Variants in DTWD2 observed in about 807,000 individuals in gnomAD.
The protein encoded by DTWD2 is DTW motif tRNA-uridine aminocarboxypropyltransferase 2, also known as tRNA-uridine aminocarboxypropyltransferase 2.
Under a neutral mutation model 31.8 loss-of-function variants are expected in DTWD2, and 39 were observed. The ratio of observed to expected loss-of-function variants is 1.22; its 90% CI spans 0.95 to 1.60. The LOEUF is 1.60. DTWD2 is among the 40% of genes most tolerant of loss of function. The probability of loss-of-function intolerance (pLI) is 0.00; values close to 1 mark genes in which losing one functional copy is unlikely to be tolerated. For missense variants in DTWD2, 515 were observed against 381.5 expected, an observed-to-expected ratio of 1.35 and a Z score of -2.92; for synonymous variants, 180 against 142.8, an observed-to-expected ratio of 1.26 and a Z score of -1.86.
chr5:118,841,879 CA>C (rs1345157482), intron 5 of DTWD2, among the ~76,000 whole-genome samples: 1 of 151,546 alleles, frequency 6.6e-6, no homozygotes, highest in Non-Finnish European at 1.5e-5. Flanking sequence ...AAAATAACAG[CA>C]AAAAAACTTA....
chr5:118,881,746 T>A (rs1752747115), intron 4 of DTWD2, among the ~76,000 whole-genome samples: 1 of 152,108 alleles, frequency 6.6e-6, no homozygotes, highest in African/African-American at 2.4e-5. Flanking sequence ...CTGCCACTTT[T>A]AAAACCATCA....
At chr5:118,863,132 C>T (rs563852296) in intron 4 of DTWD2, among the ~76,000 whole-genome samples, 1 of 151,990 alleles carries the variant, frequency 6.6e-6, no homozygotes, top group Non-Finnish European at 1.5e-5. Context: ...ACCTCAATAA[C>T]ACAAGTGGAC....
intron 4 of DTWD2, among the ~76,000 whole-genome samples, chr5:118,851,820 C>T (rs1752014206): frequency 1.3e-5 from 2 of 149,244 alleles, no homozygotes; most frequent in South Asian, 4.2e-4. Context: ...GCACATGTAC[C>T]CTAAAACTTA....
At chr5:118,950,452 A>G (rs1230865648) in intron 1 of DTWD2, among the ~76,000 whole-genome samples, 1 of 152,128 alleles carries the variant, frequency 6.6e-6, no homozygotes, top group African/African-American at 2.4e-5. Flanking sequence ...GAGGCTTTTG[A>G]GGCAATCAGG....
intron 1 of DTWD2, among the ~76,000 whole-genome samples, chr5:118,986,126 C>G (rs1406961448): frequency 6.6e-6 from 1 of 151,990 alleles, no homozygotes; most frequent in Non-Finnish European, 1.5e-5. Context: ...CCTCAGCCTT[C>G]TTATGTTATC....
intron 1 of DTWD2, among the ~76,000 whole-genome samples, chr5:118,967,784 G>C (rs984866077): frequency 6.6e-6 from 1 of 152,114 alleles, no homozygotes; most frequent in Non-Finnish European, 1.5e-5. Flanking sequence ...GGGGAAAATA[G>C]AGAATCACCA....
chr5:118,853,588 TC>T lies in DTWD2; in HGVS notation c.598-5371del, dbSNP rs1561426938. On this transcript the variant is annotated intron_variant, in intron 4 of 5. Coordinates refer to ENST00000510708, the MANE Select transcript of DTWD2 (RefSeq NM_173666.4). ...CAGCCATAGAAAGAATGAAATCATG[TC>T]CTTTGCAGCAACGTGATGCTGCTGG... is the stretch of plus-strand genomic sequence containing the variant. Among the ~76,000 whole-genome samples the T allele has an allele frequency of 3.3e-5, 5 of 152,320 alleles. No homozygotes were observed. The South Asian group carries it at 1.0e-3, about 32-fold the overall frequency.
At chr5:118,948,292 G>A (rs1018769825) in intron 1 of DTWD2, among the ~76,000 whole-genome samples, 2 of 152,058 alleles carry the variant, frequency 1.3e-5, no homozygotes, top group African/African-American at 2.4e-5. Flanking sequence ...TGGCTAACAC[G>A]GTGAAACCCC....
At chr5:118,905,288 G>A (rs17144807) in intron 4 of DTWD2, among the ~76,000 whole-genome samples, 6,026 of 152,038 alleles carry the variant, frequency 0.04, 388 homozygotes, top group African/African-American at 0.14. Context: ...TAAGAACACA[G>A]GCCCTCCTAA....
chr5:118,877,009 C>T (rs1207349189), intron 4 of DTWD2, among the ~76,000 whole-genome samples: 1 of 152,192 alleles, frequency 6.6e-6, no homozygotes, highest in African/African-American at 2.4e-5. Flanking sequence ...TTCAACAGCA[C>T]ATCAAAAAGC....
intron 1 of DTWD2, among the ~76,000 whole-genome samples, chr5:118,960,866 TAAA>T (rs1308116911): frequency 3.3e-5 from 5 of 152,076 alleles, no homozygotes; most frequent in Non-Finnish European, 5.9e-5. Flanking sequence ...CAGTGGGAGC[TAAA>T]CACTGAGTAC....
chr5:118,979,557 G>T (rs115537986), intron 1 of DTWD2, among the ~76,000 whole-genome samples: 1 of 152,074 alleles, frequency 6.6e-6, no homozygotes, highest in Non-Finnish European at 1.5e-5. Flanking sequence ...ATATGCATGC[G>T]TATGTTCACT....
At chr5:118,978,587 C>A (rs1212266625) in intron 1 of DTWD2, among the ~76,000 whole-genome samples, 1 of 152,124 alleles carries the variant, frequency 6.6e-6, no homozygotes, top group Non-Finnish European at 1.5e-5. Flanking sequence ...AGACACTTCT[C>A]AAAAGAAGAC....
At chr5:118,960,316 T>C (rs1037322809) in intron 1 of DTWD2, among the ~76,000 whole-genome samples, 1 of 152,002 alleles carries the variant, frequency 6.6e-6, no homozygotes, top group East Asian at 1.9e-4. Context: ...CAAAGAAGCA[T>C]ATGAAAAAAT....
chr5:118,917,347 A>G (rs1753600408), intron 4 of DTWD2, among the ~76,000 whole-genome samples: 1 of 152,192 alleles, frequency 6.6e-6, no homozygotes, highest in Non-Finnish European at 1.5e-5. Flanking sequence ...AATAAAACAC[A>G]TGGAAAGAAA....
At chr5:118,873,407 G>A (rs541399956) in intron 4 of DTWD2, among the ~76,000 whole-genome samples, 2 of 152,302 alleles carry the variant, frequency 1.3e-5, no homozygotes, top group African/African-American at 4.8e-5. Flanking sequence ...CAGTGCCCTG[G>A]GGGCCTATAC....
intron 4 of DTWD2, among the ~76,000 whole-genome samples, chr5:118,921,742 T>A (rs747962481): frequency 1.3e-5 from 2 of 152,184 alleles, no homozygotes; most frequent in African/African-American, 4.8e-5. Flanking sequence ...GTAAGTAGAA[T>A]AGCCTATTCA....
Position 118,928,848 on chromosome 5 carries a change from T to C in DTWD2, c.405-119A>G. 3.8e-6 allele frequency: 3 copies of C among 799,258 alleles called. No homozygotes were observed. The South Asian group carries it at 9.1e-5, about 24-fold the overall frequency. 49.5% of individuals were successfully genotyped at this position (799,258 alleles called of 1,614,324 possible). ...ATGTAGTCATTTGTCTAATCAAATA[T>C]AAGTATTAGTTTATAAAGTATGAAT... On this transcript the variant is annotated intron_variant, in intron 3 of 5. Transcript: ENST00000510708.
chr5:118,843,351 G>GAGGGAGGAAGGGAGGA (rs112226350), intron 5 of DTWD2, among the ~76,000 whole-genome samples: 1 of 150,802 alleles, frequency 6.6e-6, no homozygotes, highest in Non-Finnish European at 1.5e-5. Flanking sequence ...GGGAGGCAGG[G>GAGGGAGGAAGGGAGGA]AGGGAGGAAG....
Sources: allele counts gnomAD v4.1 joint callset (sites outside exome capture counted in the v4.1 genomes callset), GRCh38; gene constraint gnomAD v4.1.1; transcripts MANE v1.5; gene names NCBI Gene and HGNC (gene_info 2026-07-23, HGNC 2026-07-21).